Variants in KRT7 observed in about 807,000 individuals in gnomAD.
The protein encoded by KRT7 is keratin 7.
Under a neutral mutation model 42.8 loss-of-function variants are expected in KRT7, and 50 were observed. The ratio of observed to expected loss-of-function variants is 1.17; its 90% CI spans 0.93 to 1.48. The LOEUF (loss-of-function observed/expected upper bound fraction) is 1.48. Ranked by LOEUF, KRT7 falls within the 40% of genes most tolerant of loss-of-function variation. The probability of loss-of-function intolerance (pLI) is 0.00; values close to 1 mark genes in which losing one functional copy is unlikely to be tolerated. For missense variants in KRT7, 588 were observed against 637.6 expected, an observed-to-expected ratio of 0.92 and a Z score of 0.84; for synonymous variants, 268 against 266.3, an observed-to-expected ratio of 1.01 and a Z score of -0.06.
chr12:52,253,701 C>T (rs780175281), downstream of KRT7: 7 of 1,392,906 alleles, frequency 5.0e-6, no homozygotes, highest in Middle Eastern at 1.9e-4. Flanking sequence ...GTTCAGGTCC[C>T]GACTGTTGTC....
chr12:52,235,950 G>A (rs548277177), intron 2 of KRT7, among the ~76,000 whole-genome samples: 1 of 152,318 alleles, frequency 6.6e-6, no homozygotes, highest in East Asian at 1.9e-4. Context: ...GGGTGGGTCT[G>A]GTCATGGCAG....
downstream of KRT7, chr12:52,253,548 C>G: frequency 6.2e-7 from 1 of 1,603,306 alleles, no homozygotes; most frequent in Non-Finnish European, 8.5e-7. Context: ...TAATAGGTAC[C>G]TTGCATCCCT....
intron 1 of KRT7, among the ~76,000 whole-genome samples, chr12:52,234,368 G>A (rs1016825117): frequency 1.1e-4 from 16 of 152,208 alleles, no homozygotes; most frequent in Non-Finnish European, 2.4e-4. Flanking sequence ...TGGGAGGAGT[G>A]CTGCCAAAGC....
intron 2 of KRT7, among the ~76,000 whole-genome samples, chr12:52,236,393 G>T (rs1439384347): frequency 6.7e-6 from 1 of 150,038 alleles, no homozygotes; most frequent in Non-Finnish European, 1.5e-5. Context: ...AACCCTCAGA[G>T]CACCTTCCTG....
chr12:52,253,044 C>T (rs536554038), downstream of KRT7, among the ~76,000 whole-genome samples: 1 of 152,218 alleles, frequency 6.6e-6, no homozygotes, highest in South Asian at 2.1e-4. Flanking sequence ...TGCCCCAATG[C>T]CTCCATTCAG....
At chr12:52,240,849 G>A (rs979578463) in intron 4 of KRT7, among the ~76,000 whole-genome samples, 1 of 152,024 alleles carries the variant, frequency 6.6e-6, no homozygotes, top group Non-Finnish European at 1.5e-5. Flanking sequence ...AGGCATACAT[G>A]TGCCATGTTG....
chr12:52,245,716 C>G (rs1565721843), intron 7 of KRT7, 84 bp downstream of exon 7: 4 of 1,530,440 alleles, frequency 2.6e-6, no homozygotes, highest in Non-Finnish European at 2.7e-6. Flanking sequence ...ACAAGCATTT[C>G]CTGTATGCCC....
downstream of KRT7, among the ~76,000 whole-genome samples, chr12:52,250,850 A>G (rs1942255565): frequency 6.6e-6 from 1 of 152,256 alleles, no homozygotes; most frequent in African/African-American, 2.4e-5. Flanking sequence ...CAACAGAGAC[A>G]TGTTCTGAGA....
At chr12:52,240,954 G>A (rs1212279052) in intron 4 of KRT7, among the ~76,000 whole-genome samples, 1 of 146,974 alleles carries the variant, frequency 6.8e-6, no homozygotes, top group Non-Finnish European at 1.5e-5. Context: ...GCCCCGGTGT[G>A]TGATGTTCCC....
chr12:52,236,198 C>CG (rs533914218), intron 2 of KRT7, among the ~76,000 whole-genome samples: 8 of 7,490 alleles, frequency 1.1e-3, no homozygotes, highest in East Asian at 6.7e-3. Context: ...CTGTGGAGTG[C>CG]CCCCCCCCAA....
chr12:52,247,927 G>A (rs1870220), intron 7 of KRT7: 141,030 of 557,776 alleles, frequency 0.25, 21,489 homozygotes, highest in East Asian at 0.59. Flanking sequence ...TGGGCCCAAG[G>A]CATAGGTGGG....
chr12:52,238,305 G>C lies in KRT7; in HGVS notation c.598-375G>C, dbSNP rs1386859049. The stretch of plus-strand genomic sequence containing the variant: ...TCTCTGGGAGCGGGGCTGGGAATCT[G>C]AATGACTTTGTGTTCTGCTACTGAC... On this transcript the variant is annotated intron_variant, in intron 3 of 8. Transcript: ENST00000331817. Among the ~76,000 whole-genome samples, 3 of 152,198 alleles carry C rather than the reference G, an allele frequency of 2.0e-5. No individual in the cohort carries two copies. The East Asian group carries it at 5.8e-4, about 29-fold the overall frequency.
intron 3 of KRT7, 118 bp downstream of exon 3, chr12:52,237,687 C>A: frequency 1.4e-6 from 1 of 717,972 alleles, no homozygotes; most frequent in Non-Finnish European, 2.4e-6. Flanking sequence ...CTGAGCTGTC[C>A]AAGAGGAAGT....
Position 52,235,345 on chromosome 12 carries a change from T to A in KRT7, c.515T>A (p.Val172Glu). The change falls in exon 2 of 9, where the codon GTG (valine) becomes GAG (glutamate). Residue 172 changes from valine (V) to glutamate (E), a missense_variant. Val to Glu is a moderately radical substitution (Grantham distance 121). Transcript: ENST00000331817. ...GCGGAGCTGCGGAGCATGCAGGATG[T>A]GGTGGAGGACTTCAAGAATAAGTAA... Reference protein sequence around the residue: ...LEAELRSMQDVVEDFKNKYED... With the variant: ...LEAELRSMQDEVEDFKNKYED... 1 of 1,612,130 alleles carries A rather than the reference T, an allele frequency of 6.2e-7. No individual in the cohort carries two copies. Among genetic ancestry groups the A allele is most frequent in the East Asian group, 2.2e-5 (1 of 44,842 alleles).
intron 4 of KRT7, among the ~76,000 whole-genome samples, chr12:52,239,048 C>T (rs1330113158): frequency 1.1e-4 from 17 of 152,232 alleles, no homozygotes; most frequent in Non-Finnish European, 2.2e-4. Context: ...TCCCTCCCTC[C>T]GTTCCTCACA....
rs1034755170 is a variant in KRT7 at position 52,237,623 on chromosome 12, A to T, written c.597+54A>T. The T allele has an allele frequency of 3.1e-5, 46 of 1,465,802 alleles. 1 individual carries two copies. Among genetic ancestry groups the T allele is most frequent in the Admixed American group, 6.9e-5 (4 of 57,864 alleles). The allele number at this position is 1,465,802 out of a possible 1,614,324, so 90.8% of individuals were successfully genotyped here. Reference sequence around the variant, plus strand: ...GTTGTCTGAAAACATGGGACAAAGGACCACAGGATCCTCTCACCTGAGCAG... The same window carrying T: ...GTTGTCTGAAAACATGGGACAAAGGTCCACAGGATCCTCTCACCTGAGCAG... On this transcript the variant is annotated intron_variant, in intron 3 of 8. Coordinates refer to ENST00000331817, the MANE Select transcript of KRT7 (RefSeq NM_005556.4).
intron 4 of KRT7, among the ~76,000 whole-genome samples, chr12:52,239,430 C>T (rs1004377571): frequency 6.6e-5 from 10 of 152,140 alleles, no homozygotes; most frequent in Non-Finnish European, 1.5e-4. Flanking sequence ...AGCACTTTGT[C>T]TTGGAAATGG....
chr12:52,248,887 A>G lies in KRT7; in HGVS notation c.*127A>G, dbSNP rs1942222345. On this transcript the variant is annotated 3_prime_UTR_variant, in exon 9 of 9. Transcript: ENST00000331817. ...GAAAGTGATGTCAGAATAGCTTCCA[A>G]TAAAGCAGCCTCATTCTGAGGCCTG... is the stretch of plus-strand genomic sequence containing the variant. 2.1e-6 allele frequency: 2 copies of G among 934,376 alleles called. No homozygotes were observed. Among genetic ancestry groups the G allele is most frequent in the East Asian group, 6.2e-5 (2 of 32,042 alleles). The allele number at this position is 934,376 out of a possible 1,614,324, so 57.9% of individuals were successfully genotyped here.
At chr12:52,246,652 C>T (rs897126505) in intron 7 of KRT7, among the ~76,000 whole-genome samples, 1 of 152,128 alleles carries the variant, frequency 6.6e-6, no homozygotes, top group African/African-American at 2.4e-5. Context: ...GCTGACCCGC[C>T]TTCTCCCTGG....
Sources: gnomAD v4.1 joint callset for allele counts (sites outside exome capture counted in the v4.1 genomes callset) on GRCh38, gnomAD v4.1.1 for gene constraint, MANE v1.5 for transcripts, NCBI Gene and HGNC (gene_info 2026-07-23, HGNC 2026-07-21) for gene names.